The following CEP112 variants were observed in gnomAD, a reference collection of about 807,000 sequenced individuals.
CEP112 encodes the protein centrosomal protein of 112 kDa.
In CEP112, 127 loss-of-function variants were observed where a neutral mutation model predicts 153.0. That is an observed-to-expected ratio of 0.83 (90% CI 0.72 to 0.96). The LOEUF is 0.96. CEP112 is among the 40% of genes least tolerant of loss of function. The pLI is 0.00. For missense variants in CEP112, 1,089 were observed against 1,101.2 expected, an observed-to-expected ratio of 0.99 and a Z score of 0.16; for synonymous variants, 358 against 374.4, an observed-to-expected ratio of 0.96 and a Z score of 0.51.
chr17:65,784,459 C>T (rs2054165011), intron 21 of CEP112, among the ~76,000 whole-genome samples: 1 of 152,160 alleles, frequency 6.6e-6, no homozygotes. Flanking sequence ...CCTGGCATGT[C>T]CCCAAGACTG....
At chr17:65,770,028 T>C (rs1181271564) in intron 21 of CEP112, among the ~76,000 whole-genome samples, 1 of 151,690 alleles carries the variant, frequency 6.6e-6, no homozygotes, top group African/African-American at 2.4e-5. Context: ...ATCTAACATA[T>C]GTGTAGTTGT....
At chr17:66,011,727 T>C (rs1455725903) in intron 16 of CEP112, among the ~76,000 whole-genome samples, 1 of 152,182 alleles carries the variant, frequency 6.6e-6, no homozygotes, top group African/African-American at 2.4e-5. Context: ...ATGTTATACA[T>C]GCATTTGGTC....
chr17:65,728,033 G>A (rs915659078), intron 23 of CEP112, among the ~76,000 whole-genome samples: 6 of 152,208 alleles, frequency 3.9e-5, no homozygotes, highest in African/African-American at 1.2e-4. Flanking sequence ...TGTCAATAAA[G>A]TTTTATTGGA....
At chr17:65,997,983 C>T (rs1021103002) in intron 17 of CEP112, among the ~76,000 whole-genome samples, 1 of 152,058 alleles carries the variant, frequency 6.6e-6, no homozygotes, top group African/African-American at 2.4e-5. Context: ...AAATAGTCTG[C>T]ATTTTCTGCA....
At chr17:66,088,870 C>A (rs1019524066) in intron 8 of CEP112, among the ~76,000 whole-genome samples, 6 of 152,130 alleles carry the variant, frequency 3.9e-5, no homozygotes, top group African/African-American at 1.4e-4. Flanking sequence ...GACCAAAGAA[C>A]CAGGTCCATC....
chr17:65,796,701 G>A (rs2054932532), intron 21 of CEP112, among the ~76,000 whole-genome samples: 1 of 151,868 alleles, frequency 6.6e-6, no homozygotes, highest in African/African-American at 2.4e-5. Flanking sequence ...AAAAATGTAT[G>A]TGTCTTTAAT....
chr17:65,771,656 C>T (rs1176199053), intron 21 of CEP112, among the ~76,000 whole-genome samples: 1 of 151,934 alleles, frequency 6.6e-6, no homozygotes, highest in Admixed American at 6.6e-5. Flanking sequence ...ATTAGAAATC[C>T]ATAACAGAAA....
chr17:65,687,754 C>T (rs2144351213), intron 24 of CEP112, among the ~76,000 whole-genome samples: 1 of 152,280 alleles, frequency 6.6e-6, no homozygotes, highest in African/African-American at 2.4e-5. Context: ...TGTTTGTAAA[C>T]ATCTCCAGAG....
At chr17:65,987,779 T>C (rs7225827) in intron 17 of CEP112, among the ~76,000 whole-genome samples, 79,072 of 151,940 alleles carry the variant, frequency 0.52, 21,583 homozygotes, top group African/African-American at 0.6. Context: ...GTATACAATG[T>C]CCCTCCCCTC....
intron 18 of CEP112, among the ~76,000 whole-genome samples, chr17:65,955,358 A>G (rs2061968670): frequency 6.6e-6 from 1 of 152,202 alleles, no homozygotes; most frequent in Non-Finnish European, 1.5e-5. Context: ...GAACTGCTAA[A>G]AGGTGTTCTA....
chr17:65,896,721 A>T (rs2059672756), intron 20 of CEP112, among the ~76,000 whole-genome samples: 1 of 152,150 alleles, frequency 6.6e-6, no homozygotes, highest in Middle Eastern at 3.4e-3. Flanking sequence ...TCAGAAAAAC[A>T]GCATCTCCCC....
At chr17:65,950,712 T>C (rs564264477) in intron 18 of CEP112, among the ~76,000 whole-genome samples, 3 of 151,528 alleles carry the variant, frequency 2.0e-5, no homozygotes, top group African/African-American at 7.2e-5. Context: ...GTAGTAGTAG[T>C]AGTAGTAGTA....
At chr17:65,963,365 C>G (rs1013515758) in intron 17 of CEP112, among the ~76,000 whole-genome samples, 3 of 152,164 alleles carry the variant, frequency 2.0e-5, no homozygotes, top group Admixed American at 6.5e-5. Context: ...ATGATGCAAT[C>G]TTTTAAGACT....
chr17:65,730,798 C>T (rs1337987218), intron 23 of CEP112, among the ~76,000 whole-genome samples: 6 of 122,196 alleles, frequency 4.9e-5, no homozygotes, highest in African/African-American at 1.9e-4. Flanking sequence ...CTTCTGGTAA[C>T]ACAGACCAGA....
chr17:66,137,649 G>C (rs1455764393), intron 4 of CEP112, among the ~76,000 whole-genome samples: 1 of 152,142 alleles, frequency 6.6e-6, no homozygotes, highest in Admixed American at 6.5e-5. Flanking sequence ...GGCCAGGAGA[G>C]AATGGGATGA....
chr17:65,768,823 C>T lies in CEP112; in HGVS notation c.2395-18099G>A, dbSNP rs574487214. Among the ~76,000 whole-genome samples, 5 of 152,198 alleles carry T rather than the reference C, an allele frequency of 3.3e-5. No individual in the cohort carries two copies. The South Asian group carries it at 8.3e-4, about 25-fold the overall frequency. On this transcript the variant is annotated intron_variant, in intron 21 of 26. Coordinates refer to ENST00000535342, the MANE Select transcript of CEP112 (RefSeq NM_001199165.4). Reference sequence around the variant, plus strand: ...CTATTTGAGTAAAACCCACAGCTAACATCATAATCAATGGGGAGAAACTGA... The same window carrying T: ...CTATTTGAGTAAAACCCACAGCTAATATCATAATCAATGGGGAGAAACTGA...
chr17:66,062,804 T>C (rs1342402184), intron 11 of CEP112, among the ~76,000 whole-genome samples, 159 bp downstream of exon 11: 3 of 152,176 alleles, frequency 2.0e-5, no homozygotes, highest in Non-Finnish European at 2.9e-5. Flanking sequence ...GAAGAAAATA[T>C]ACCAAAACAT....
chr17:66,160,603 T>G (rs1451705008), intron 4 of CEP112, among the ~76,000 whole-genome samples: 2 of 152,208 alleles, frequency 1.3e-5, no homozygotes, highest in South Asian at 2.1e-4. Context: ...AAGGATTTCC[T>G]ATTAAATGGT....
At chr17:65,836,655 G>T (rs1032199740) in intron 21 of CEP112, among the ~76,000 whole-genome samples, 1 of 152,118 alleles carries the variant, frequency 6.6e-6, no homozygotes, top group African/African-American at 2.4e-5. Context: ...GACCAAAAGG[G>T]AGAGACTGAC....
Sources: gnomAD v4.1 joint callset for allele counts (sites outside exome capture counted in the v4.1 genomes callset) on GRCh38, gnomAD v4.1.1 for gene constraint, MANE v1.5 for transcripts, NCBI Gene and HGNC (gene_info 2026-07-23, HGNC 2026-07-21) for gene names.